Variants in SUFU observed in about 807,000 individuals in gnomAD.
SUFU encodes SUFU negative regulator of hedgehog signaling, also known as suppressor of fused homolog.
SUFU carries 7 observed loss-of-function variants against 58.9 expected under a neutral mutation model. The observed-to-expected ratio is 0.12, with a 90% CI of 0.07 to 0.22. The LOEUF (loss-of-function observed/expected upper bound fraction) is 0.22, where lower values mean the gene tolerates loss of function less well. SUFU is among the 10% of genes least tolerant of loss of function. The pLI, the probability that SUFU is intolerant of heterozygous loss-of-function variation, is 1.00. For synonymous variants in SUFU, 232 were observed against 254.8 expected, an observed-to-expected ratio of 0.91 and a Z score of 0.85; for missense variants, 451 against 641.3, an observed-to-expected ratio of 0.70 and a Z score of 3.20.
chr10:102,568,958 ATATATC>A (rs2063133714), intron 3 of SUFU, among the ~76,000 whole-genome samples: 1 of 108,590 alleles, frequency 9.2e-6, no homozygotes, highest in African/African-American at 3.7e-5. Context: ...ATATATATAT[ATATATC>A]TATAGCAGTG....
At chr10:102,574,914 G>A (rs1241201023) in intron 3 of SUFU, among the ~76,000 whole-genome samples, 3 of 152,146 alleles carry the variant, frequency 2.0e-5, no homozygotes, top group Middle Eastern at 3.4e-3. Flanking sequence ...AAATTAGCCC[G>A]GCATGGTGGC....
chr10:102,573,471 A>C (rs2063183216), intron 3 of SUFU, among the ~76,000 whole-genome samples: 1 of 152,252 alleles, frequency 6.6e-6, no homozygotes, highest in Non-Finnish European at 1.5e-5. Context: ...TGATCCAGCA[A>C]TCTCACCTCT....
intron 2 of SUFU, among the ~76,000 whole-genome samples, chr10:102,541,736 T>C (rs1022591757): frequency 4.8e-5 from 6 of 125,064 alleles, no homozygotes; most frequent in African/African-American, 1.5e-4. Flanking sequence ...TTGAGACAGT[T>C]TTGCTCTTGG....
chr10:102,599,868 G>C (rs575962912), intron 8 of SUFU, among the ~76,000 whole-genome samples: 2 of 152,216 alleles, frequency 1.3e-5, no homozygotes, highest in Non-Finnish European at 2.9e-5. Flanking sequence ...TGCTGAGCAC[G>C]GTTCCCTCCT....
At chr10:102,551,270 A>G (rs889863130) in intron 3 of SUFU, among the ~76,000 whole-genome samples, 4 of 151,910 alleles carry the variant, frequency 2.6e-5, no homozygotes, top group Admixed American at 6.6e-5. Context: ...CTGCCCATCA[A>G]CCTCTTCGAG....
chr10:102,534,421 TG>T (rs894582639), intron 2 of SUFU, among the ~76,000 whole-genome samples: 1 of 151,964 alleles, frequency 6.6e-6, no homozygotes, highest in African/African-American at 2.4e-5. Flanking sequence ...AGCGAGACTC[TG>T]TCTCAAAAAA....
chr10:102,509,414 G>A, intron 2 of SUFU, 111 bp downstream of exon 2: 1 of 1,474,792 alleles, frequency 6.8e-7, no homozygotes, highest in African/African-American at 1.4e-5. Flanking sequence ...TGGAACCTCT[G>A]CATTTCTGCC....
intron 2 of SUFU, among the ~76,000 whole-genome samples, chr10:102,510,493 G>C (rs61873737): frequency 1 from 151,253 of 151,254 alleles, 75,626 homozygotes; most frequent in Non-Finnish European, 1. Context: ...CAGGCGTGAC[G>C]ACTGTGCCCG....
At chr10:102,514,649 A>G (rs898421821) in intron 2 of SUFU, among the ~76,000 whole-genome samples, 2 of 152,214 alleles carry the variant, frequency 1.3e-5, no homozygotes, top group Admixed American at 6.5e-5. Flanking sequence ...CAGACAGCTG[A>G]GCCTCAGCTG....
At chr10:102,616,395 C>T (rs2063687192) in intron 9 of SUFU, among the ~76,000 whole-genome samples, 1 of 152,232 alleles carries the variant, frequency 6.6e-6, no homozygotes, top group Non-Finnish European at 1.5e-5. Context: ...TCCCCAGCAC[C>T]TGGGAGTGAG....
In SUFU at chr10:102,615,405, G is replaced by A. The variant is rs764861812; in HGVS notation, c.1157+3G>A. Reference sequence around the variant, plus strand: ...GCCCTCATTCCTCTCTGCCTAAGGTGAGCGAGACAGCCCTGCCACACAGTT... The same window carrying A: ...GCCCTCATTCCTCTCTGCCTAAGGTAAGCGAGACAGCCCTGCCACACAGTT... On this transcript the variant is annotated splice_donor_region_variant and intron_variant, in intron 9 of 11. Coordinates refer to ENST00000369902, the MANE Select transcript of SUFU (RefSeq NM_016169.4). The A allele has an allele frequency of 3.3e-5, 54 of 1,613,952 alleles. No individual in the cohort carries two copies. The highest frequency in any genetic ancestry group is 3.2e-5 in the Non-Finnish European group (38 of 1,179,914).
chr10:102,540,073 C>G (rs780222031), intron 2 of SUFU, among the ~76,000 whole-genome samples: 1 of 152,140 alleles, frequency 6.6e-6, no homozygotes, highest in South Asian at 2.1e-4. Context: ...TTCTCTGAAC[C>G]ACTTCCTTAC....
Position 102,629,163 on chromosome 10 carries a change from AAAAG to A in SUFU, c.1366-899_1366-896del, listed in dbSNP as rs2063815546. 6.6e-6 allele frequency among the ~76,000 whole-genome samples: 1 copy of A among 152,190 alleles called. No individual in the cohort carries two copies. The highest frequency in any genetic ancestry group is 2.4e-5 in the African/African-American group (1 of 41,446). ...AAGAGCGAAACTCCGTCTCAAAAGAAAAAGAAAAGACAGACCCTGTGTCTAAGTT... is the reference window on the plus strand; with the variant it reads ...AAGAGCGAAACTCCGTCTCAAAAGAAAAAAGACAGACCCTGTGTCTAAGTT... On this transcript the variant is annotated intron_variant, in intron 11 of 11. Transcript: ENST00000369902. The surrounding 1 kb of genome is among the most constrained non-coding windows in gnomAD (Gnocchi z 4.7).
At chr10:102,520,212 C>CTTTTT (rs36020604) in intron 2 of SUFU, among the ~76,000 whole-genome samples, 64 of 113,508 alleles carry the variant, frequency 5.6e-4, no homozygotes, top group African/African-American at 1.6e-3. Context: ...TTTTTTCTTT[C>CTTTTT]TTTTTTTTTT....
intron 2 of SUFU, among the ~76,000 whole-genome samples, chr10:102,510,394 G>A: frequency 6.6e-6 from 1 of 151,390 alleles, no homozygotes; most frequent in Non-Finnish European, 1.5e-5. Context: ...ATTTTTAGTA[G>A]AGACGGGGTT....
intron 3 of SUFU, among the ~76,000 whole-genome samples, chr10:102,559,446 G>A (rs2063013335): frequency 6.6e-6 from 1 of 152,246 alleles, no homozygotes; most frequent in South Asian, 2.1e-4. Flanking sequence ...GGCCTGGGAA[G>A]AGAATGTTCC....
At chr10:102,623,694 C>T (rs992166638) in intron 10 of SUFU, among the ~76,000 whole-genome samples, 2 of 152,220 alleles carry the variant, frequency 1.3e-5, no homozygotes, top group Non-Finnish European at 2.9e-5. Context: ...GATCCCAGCA[C>T]TTTGGGAGGC....
intron 8 of SUFU, among the ~76,000 whole-genome samples, chr10:102,611,314 A>C (rs1005693480): frequency 6.6e-6 from 1 of 152,246 alleles, no homozygotes; most frequent in African/African-American, 2.4e-5. Flanking sequence ...TGAGAATTGC[A>C]GGAAGGCAGC....
At chr10:102,526,851 G>C (rs959353369) in intron 2 of SUFU, among the ~76,000 whole-genome samples, 1 of 152,094 alleles carries the variant, frequency 6.6e-6, no homozygotes, top group Non-Finnish European at 1.5e-5. Flanking sequence ...AGGGCAGCAC[G>C]GACCTCGAAG....
Sources: gnomAD v4.1 joint callset for allele counts (sites outside exome capture counted in the v4.1 genomes callset) on GRCh38, gnomAD v4.1.1 for gene constraint, Gnocchi (gnomAD v3.1) non-coding constraint, MANE v1.5 for transcripts, NCBI Gene and HGNC (gene_info 2026-07-23, HGNC 2026-07-21) for gene names.